Variants in MAP2K4 observed in about 807,000 individuals in gnomAD.
The protein encoded by MAP2K4 is dual specificity mitogen-activated protein kinase kinase 4.
A neutral mutation model predicts 48.5 loss-of-function variants in MAP2K4; 4 were observed. The observed-to-expected ratio is 0.08, with a 90% CI of 0.04 to 0.19. The LOEUF (loss-of-function observed/expected upper bound fraction) is 0.19. MAP2K4 is among the 10% of genes least tolerant of loss of function. MAP2K4 has a pLI of 1.00. For synonymous variants in MAP2K4, 166 were observed against 173.1 expected, an observed-to-expected ratio of 0.96 and a Z score of 0.32; for missense variants, 258 against 493.3, an observed-to-expected ratio of 0.52 and a Z score of 4.52.
rs28923209 is a variant in MAP2K4, at chr17:12,106,612, G to A, written c.514-1178G>A. On this transcript the variant is annotated intron_variant, in intron 4 of 10. Transcript: ENST00000353533. ...TTGATTATATAATTATTATATAATC[G>A]AAGGATAGGAGATTAATGGGTAGAA... is the stretch of plus-strand genomic sequence containing the variant. 1.9e-3 allele frequency among the ~76,000 whole-genome samples: 284 copies of A among 152,010 alleles called. 2 individuals are homozygous for A. Among genetic ancestry groups the A allele is most frequent in the African/African-American group, 6.3e-3 (262 of 41,468 alleles).
At chr17:12,099,986 T>G (rs1971884923) in intron 4 of MAP2K4, among the ~76,000 whole-genome samples, 1 of 152,090 alleles carries the variant, frequency 6.6e-6, no homozygotes, top group South Asian at 2.1e-4. Context: ...GCAAGTTACC[T>G]CCCCCTTTTT....
intron 7 of MAP2K4, among the ~76,000 whole-genome samples, chr17:12,119,440 A>T (rs1277233095): frequency 6.6e-6 from 1 of 152,252 alleles, no homozygotes; most frequent in East Asian, 1.9e-4. Flanking sequence ...CCACAATGAG[A>T]TACATCTCAC....
At chr17:12,038,037 ATAAT>A (rs1050166322) in intron 1 of MAP2K4, among the ~76,000 whole-genome samples, 4 of 152,158 alleles carry the variant, frequency 2.6e-5, no homozygotes, top group African/African-American at 9.7e-5. Flanking sequence ...TGATAAGAAA[ATAAT>A]TAGTGACTTT....
intron 1 of MAP2K4, among the ~76,000 whole-genome samples, chr17:12,045,196 A>C (rs1000255381): frequency 4.6e-5 from 7 of 151,660 alleles, no homozygotes; most frequent in African/African-American, 1.7e-4. Flanking sequence ...TTTTTTTTTC[A>C]TATGCACATA....
chr17:12,105,432 AT>A (rs1334154846), intron 4 of MAP2K4, among the ~76,000 whole-genome samples: 1 of 152,160 alleles, frequency 6.6e-6, no homozygotes, highest in Non-Finnish European at 1.5e-5. Flanking sequence ...TGAGAATGAT[AT>A]CTTTTTATTT....
intron 3 of MAP2K4, among the ~76,000 whole-genome samples, chr17:12,085,393 A>C (rs1354250872): frequency 2.0e-5 from 3 of 151,698 alleles, no homozygotes; most frequent in African/African-American, 7.3e-5. Flanking sequence ...CATTATGATG[A>C]CTTTTCAGTC....
chr17:12,116,042 T>C (rs1972483392), intron 7 of MAP2K4, among the ~76,000 whole-genome samples: 1 of 152,232 alleles, frequency 6.6e-6, no homozygotes, highest in Non-Finnish European at 1.5e-5. Flanking sequence ...TTACATGAAC[T>C]GTGCACTGAA....
At chr17:12,084,137 T>C (rs952408759) in intron 3 of MAP2K4, among the ~76,000 whole-genome samples, 1 of 152,218 alleles carries the variant, frequency 6.6e-6, no homozygotes, top group Non-Finnish European at 1.5e-5. Flanking sequence ...CCAAATTTAT[T>C]TTGCCATATA....
Position 12,081,938 on chromosome 17 carries a change from T to A in MAP2K4, c.393+408T>A, listed in dbSNP as rs1222301390. 1.9e-6 allele frequency: 1 copy of A among 535,420 alleles called. No homozygotes were observed. The highest frequency in any genetic ancestry group is 3.8e-6 in the Non-Finnish European group (1 of 261,032). 33.2% of individuals were successfully genotyped at this position (535,420 alleles called of 1,614,324 possible). The stretch of plus-strand genomic sequence containing the variant: ...GGGCTAGGGCTAACAGCAGTCTTAC[T>A]GAAGGTTTCCTGGAAACCACGCACA... On this transcript the variant is annotated intron_variant, in intron 3 of 10. Transcript: ENST00000353533. This position sits in a 1 kb window ranked among gnomAD's most constrained non-coding sequence, Gnocchi z 4.2.
rs574894345 is a variant in MAP2K4, at chr17:12,089,475, C to T, written c.394-6100C>T. On this transcript the variant is annotated intron_variant, in intron 3 of 10. Coordinates refer to ENST00000353533, the MANE Select transcript of MAP2K4 (RefSeq NM_003010.4). ...TGTTTTAATTGGTGCCTGGAAGAAT[C>T]TCTAAAGCCCTACACTGATTTCCTC... 2.1e-4 allele frequency among the ~76,000 whole-genome samples: 32 copies of T among 152,328 alleles called. 1 individual carries two copies. Among genetic ancestry groups the T allele is most frequent in the Admixed American group, 3.9e-4 (6 of 15,296 alleles).
chr17:12,088,577 T>C (rs11655585), intron 3 of MAP2K4, among the ~76,000 whole-genome samples: 22 of 109,644 alleles, frequency 2.0e-4, no homozygotes, highest in African/African-American at 6.2e-4. Flanking sequence ...AAATATATAA[T>C]ATATAATATA....
chr17:12,076,982 T>A (rs565431176), intron 2 of MAP2K4, among the ~76,000 whole-genome samples: 1 of 152,312 alleles, frequency 6.6e-6, no homozygotes, highest in East Asian at 1.9e-4. Context: ...GAAGAAACCT[T>A]GGAATGACAC....
At chr17:12,116,002 T>C in intron 7 of MAP2K4, 2 of 373,942 alleles carry the variant, frequency 5.3e-6, no homozygotes, top group South Asian at 4.6e-5. Context: ...ACTCTAAAAA[T>C]GCAGAGAAAA....
At chr17:12,028,275 T>G (rs1969323550) in intron 1 of MAP2K4, among the ~76,000 whole-genome samples, 1 of 152,146 alleles carries the variant, frequency 6.6e-6, no homozygotes, top group South Asian at 2.1e-4. Context: ...TGAGGACACT[T>G]GAATTTAAAA....
At chr17:12,120,026 G>A (rs1477839212) in intron 7 of MAP2K4, among the ~76,000 whole-genome samples, 1 of 152,090 alleles carries the variant, frequency 6.6e-6, no homozygotes, top group Non-Finnish European at 1.5e-5. Context: ...AGGTGGGAGA[G>A]GATCAGAAAA....
chr17:12,096,185 G>T (rs910925215), intron 4 of MAP2K4, among the ~76,000 whole-genome samples: 13 of 148,092 alleles, frequency 8.8e-5, no homozygotes, highest in African/African-American at 3.2e-4. Flanking sequence ...TAATCCTGAA[G>T]TATACCCATC....
intron 4 of MAP2K4, among the ~76,000 whole-genome samples, chr17:12,097,686 G>A (rs962865349): frequency 6.6e-6 from 1 of 152,176 alleles, no homozygotes; most frequent in South Asian, 2.1e-4. Context: ...TCGGGATTTG[G>A]TGGTATTATC....
intron 2 of MAP2K4, among the ~76,000 whole-genome samples, chr17:12,070,992 C>T (rs34297138): frequency 0.17 from 25,511 of 152,086 alleles, 2,494 homozygotes; most frequent in South Asian, 0.3. Flanking sequence ...GGAGGATCCC[C>T]CCTTTCTTTC....
Position 12,141,659 on chromosome 17 carries a change from A to G in MAP2K4, c.*399A>G, listed in dbSNP as rs1973381555. 7.9e-6 allele frequency: 2 copies of G among 254,748 alleles called. No homozygotes were observed. The highest frequency in any genetic ancestry group is 1.5e-5 in the Non-Finnish European group (2 of 131,226). The allele number at this position is 254,748 out of a possible 1,614,324, so 15.8% of individuals were successfully genotyped here. ...GGAAGGACACAGTGATGAATGTACT[A>G]TGTCTGAACATAGAAACTCGGGCTT... On this transcript the variant is annotated 3_prime_UTR_variant, in exon 11 of 11. Transcript: ENST00000353533.
Sources: gnomAD v4.1 joint callset for allele counts (sites outside exome capture counted in the v4.1 genomes callset) on GRCh38, gnomAD v4.1.1 for gene constraint, Gnocchi (gnomAD v3.1) non-coding constraint, MANE v1.5 for transcripts, NCBI Gene and HGNC (gene_info 2026-07-23, HGNC 2026-07-21) for gene names.